Variants in SRPX observed in about 807,000 individuals in gnomAD.
SRPX encodes the protein sushi repeat-containing protein SRPX.
In SRPX, 24 loss-of-function variants were observed where a neutral mutation model predicts 38.1. The observed-to-expected ratio is 0.63, with a 90% CI of 0.46 to 0.89. The LOEUF is 0.89. SRPX is among the 40% of genes least tolerant of loss of function. The pLI is 0.00. For missense variants in SRPX, 416 were observed against 377.8 expected, an observed-to-expected ratio of 1.10 and a Z score of -0.84; for synonymous variants, 184 against 153.8, an observed-to-expected ratio of 1.20 and a Z score of -1.45.
chrX:38,189,689 A>G (rs1938859410), intron 1 of SRPX, among the ~76,000 whole-genome samples: 1 of 111,676 alleles, frequency 9.0e-6, no homozygotes, highest in Non-Finnish European at 1.9e-5. Flanking sequence ...CCCCCAGTTT[A>G]TCTTTCCTAA....
intron 8 of SRPX, among the ~76,000 whole-genome samples, chrX:38,156,613 C>T (rs1938136270): frequency 8.9e-6 from 1 of 112,533 alleles, no homozygotes; most frequent in South Asian, 3.7e-4. Context: ...TTGGCAAAGA[C>T]AATTGTTCTG....
chrX:38,210,584 T>C (rs943521339), intron 1 of SRPX, among the ~76,000 whole-genome samples: 41 of 111,576 alleles, frequency 3.7e-4, no homozygotes, highest in African/African-American at 1.3e-3. Flanking sequence ...CATTAAGAAA[T>C]ATGTCAGCAG....
intron 2 of SRPX, among the ~76,000 whole-genome samples, chrX:38,175,947 C>T (rs1177422848): frequency 9.0e-6 from 1 of 111,480 alleles, no homozygotes; most frequent in African/African-American, 3.3e-5. Flanking sequence ...ACAGTACTCC[C>T]CCTTTGCCCA....
chrX:38,197,777 A>G (rs949033905), intron 1 of SRPX, among the ~76,000 whole-genome samples: 1 of 112,664 alleles, frequency 8.9e-6, no homozygotes, highest in African/African-American at 3.2e-5. Flanking sequence ...TGATTTCTCA[A>G]TGGTCATCCC....
intron 9 of SRPX, among the ~76,000 whole-genome samples, chrX:38,153,190 C>T (rs1938048925): frequency 1.8e-5 from 2 of 110,452 alleles, no homozygotes; most frequent in Non-Finnish European, 3.8e-5. Context: ...AAAACAAAAG[C>T]ATATGAGTGT....
At position 38,154,467 on chromosome X, in the gene SRPX, C is replaced by T. The variant is rs748869787; in HGVS notation, c.1206G>A (p.Gln402=). The change falls in exon 9 of 10, where the codon CAG becomes CAA. Residue 402 remains glutamine, a synonymous_variant. Transcript: ENST00000378533. ...AGAACAGAACTTCCCCCTACCTGAG[C>T]TGCAGCGCTAGGGCTGGAGGCATAA... ...AKIMPPALAL[Q]LRLLLRIPLY... is the part of the protein sequence containing the mutation. 37 of 1,202,109 alleles carry T rather than the reference C, an allele frequency of 3.1e-5. No individual in the cohort carries two copies. The highest frequency in any genetic ancestry group is 4.2e-5 in the Non-Finnish European group (37 of 891,300).
chrX:38,152,451 G>C (rs1938034581), intron 9 of SRPX, among the ~76,000 whole-genome samples: 1 of 112,122 alleles, frequency 8.9e-6, no homozygotes, highest in Admixed American at 9.4e-5. Flanking sequence ...GTGGTCTCTT[G>C]GGAGCTCACG....
intron 1 of SRPX, among the ~76,000 whole-genome samples, chrX:38,200,505 A>C (rs1939088811): frequency 1.8e-5 from 2 of 111,931 alleles, no homozygotes; most frequent in Admixed American, 9.4e-5. Context: ...CCAGGTAATT[A>C]ATAAGGAGGA....
intron 5 of SRPX, among the ~76,000 whole-genome samples, chrX:38,163,735 AGCAGAAGATACCTT>A (rs1348593026): frequency 8.9e-5 from 10 of 112,854 alleles, no homozygotes; most frequent in Admixed American, 9.4e-5. Context: ...TGGGGAAGAA[AGCAGAAGATACCTT>A]CTCTTTTTTT....
intron 1 of SRPX, among the ~76,000 whole-genome samples, chrX:38,198,342 G>A (rs1257897866): frequency 8.9e-6 from 1 of 112,162 alleles, no homozygotes; most frequent in Non-Finnish European, 1.9e-5. Flanking sequence ...TGGGGAGGGA[G>A]AAGAGAGAAG....
chrX:38,154,489 A>G lies in SRPX; in HGVS notation c.1184T>C (p.Met395Thr). 2.5e-6 allele frequency: 3 copies of G among 1,206,622 alleles called. No homozygotes were observed. Among genetic ancestry groups the G allele is most frequent in the Non-Finnish European group, 3.4e-6 (3 of 892,908 alleles). The part of the protein sequence containing the change: ...TLIGRIGAKI[M>T]PPALALQLRL... ...GAGCTGCAGCGCTAGGGCTGGAGGC[A>G]TAATCTTTGCTCCTATCCTGCCAAT... The change falls in exon 9 of 10, where the codon ATG becomes ACG. Residue 395 changes from methionine to threonine, a missense_variant. Transcript: ENST00000378533.
intron 4 of SRPX, among the ~76,000 whole-genome samples, chrX:38,167,935 T>C (rs1382654534): frequency 4.5e-5 from 5 of 111,149 alleles, no homozygotes; most frequent in African/African-American, 1.6e-4. Context: ...TGATTTTATT[T>C]ATTCATTTAT....
At chrX:38,171,037 A>AT (rs1938456489) in intron 4 of SRPX, among the ~76,000 whole-genome samples, 1 of 107,024 alleles carries the variant, frequency 9.3e-6, no homozygotes, top group Non-Finnish European at 1.9e-5. Flanking sequence ...AACAAAAAAA[A>AT]CAGGGCTCCA....
intron 1 of SRPX, among the ~76,000 whole-genome samples, chrX:38,217,322 C>T (rs779623228): frequency 4.5e-5 from 5 of 112,080 alleles, no homozygotes; most frequent in Admixed American, 9.5e-5. Context: ...AAGGAAGGCA[C>T]GTTGCTTCCC....
chrX:38,172,313 C>T (rs763070256), intron 3 of SRPX, among the ~76,000 whole-genome samples: 1 of 112,212 alleles, frequency 8.9e-6, no homozygotes, highest in African/African-American at 3.2e-5. Flanking sequence ...ATTAGCCAGG[C>T]GTGGTGGCGC....
intron 9 of SRPX, among the ~76,000 whole-genome samples, chrX:38,151,721 A>G (rs925912909): frequency 9.0e-5 from 10 of 111,419 alleles, no homozygotes; most frequent in African/African-American, 3.3e-4. Context: ...ATCAAACACC[A>G]CACAAAATCG....
intron 1 of SRPX, among the ~76,000 whole-genome samples, chrX:38,203,058 T>C (rs1939141739): frequency 1.8e-5 from 2 of 111,164 alleles, no homozygotes; most frequent in African/African-American, 3.3e-5. Context: ...CAACACTACA[T>C]AAAAAGAATA....
At chrX:38,196,330 A>G (rs1008395580) in intron 1 of SRPX, among the ~76,000 whole-genome samples, 3 of 112,570 alleles carry the variant, frequency 2.7e-5, no homozygotes, top group Non-Finnish European at 5.6e-5. Context: ...TTTGAATACA[A>G]TCCACAGAAA....
chrX:38,208,426 C>T (rs2224559), intron 1 of SRPX, among the ~76,000 whole-genome samples: 34,249 of 111,137 alleles, frequency 0.31, 4,549 homozygotes, highest in Non-Finnish European at 0.42. Context: ...GCCATATGTA[C>T]TCTTTTGTGT....
Sources: gnomAD v4.1 joint callset for allele counts (sites outside exome capture counted in the v4.1 genomes callset) on GRCh38, gnomAD v4.1.1 for gene constraint, MANE v1.5 for transcripts, NCBI Gene and HGNC (gene_info 2026-07-23, HGNC 2026-07-21) for gene names.